Variants in SORCS2 observed in about 807,000 individuals in gnomAD.
SORCS2 encodes sortilin related VPS10 domain containing receptor 2, also known as VPS10 domain-containing receptor SorCS2.
SORCS2 carries 100 observed loss-of-function variants against 141.6 expected under a neutral mutation model. That is an observed-to-expected ratio of 0.71 (90% CI 0.60 to 0.83). SORCS2 has a LOEUF of 0.83. Among genes scored for constraint, SORCS2 ranks in the 40% least tolerant of loss-of-function variants. The pLI is 0.00. For missense variants in SORCS2, 1,646 were observed against 1,560.2 expected (o/e 1.05, Z -0.93); for synonymous variants, 789 against 676.9 (o/e 1.17, Z -2.57).
chr4:7,667,984 A>G (rs966084241), intron 8 of SORCS2, among the ~76,000 whole-genome samples: 2 of 152,200 alleles, frequency 1.3e-5, no homozygotes, highest in Non-Finnish European at 2.9e-5. Flanking sequence ...CCTCGTGAGG[A>G]CATTGAGATG....
chr4:7,718,040 G>C lies in SORCS2; in HGVS notation c.2281G>C (p.Glu761Gln). ...CCGGAAAGTGGTGTCCAACGTGTGT[G>C]AGGGTGGGGTGGACATGCAGCAGAG... ...GYRKVVSNVCEGGVDMQQSQV... is the reference protein window; with the variant it reads ...GYRKVVSNVCQGGVDMQQSQV... The change falls in exon 18 of 27, where the codon GAG (glutamate) becomes CAG (glutamine). Residue 761 changes from glutamate (E) to glutamine (Q), a missense_variant. Glu to Gln is a conservative substitution (Grantham distance 29). Transcript: ENST00000507866. The C allele has an allele frequency of 6.2e-7, 1 of 1,608,246 alleles. No homozygotes were observed. The highest frequency in any genetic ancestry group is 8.5e-7 in the Non-Finnish European group (1 of 1,177,310).
intron 1 of SORCS2, among the ~76,000 whole-genome samples, chr4:7,389,920 G>C (rs754285347): frequency 6.6e-6 from 1 of 152,004 alleles, no homozygotes; most frequent in East Asian, 1.9e-4. Context: ...GCAGGGGTGC[G>C]GGCCTCCCTC....
chr4:7,422,637 C>T (rs115600996), intron 2 of SORCS2, among the ~76,000 whole-genome samples: 1 of 152,046 alleles, frequency 6.6e-6, no homozygotes, highest in Non-Finnish European at 1.5e-5. Flanking sequence ...TCTCTCAGAC[C>T]CACACACTCC....
chr4:7,272,876 A>G (rs1715240506), intron 1 of SORCS2, among the ~76,000 whole-genome samples: 1 of 152,264 alleles, frequency 6.6e-6, no homozygotes, highest in Non-Finnish European at 1.5e-5. Flanking sequence ...TTTCCCCACC[A>G]GCACAGGCTC....
intron 3 of SORCS2, among the ~76,000 whole-genome samples, chr4:7,621,697 C>T (rs143527306): frequency 4.6e-5 from 7 of 152,334 alleles, no homozygotes; most frequent in Middle Eastern, 3.4e-3. Flanking sequence ...CAAAATCCCA[C>T]ACAGAAACCC....
chr4:7,548,763 G>A (rs7654437), intron 3 of SORCS2, among the ~76,000 whole-genome samples: 148,133 of 152,246 alleles, frequency 0.97, 72,199 homozygotes, highest in East Asian at 1. Context: ...CGGTGACCCA[G>A]GGAGGAGGCC....
chr4:7,728,273 C>A (rs1225472482), intron 21 of SORCS2, 77 bp from the exon 22 acceptor site: 16 of 1,038,448 alleles, frequency 1.5e-5, no homozygotes, highest in Non-Finnish European at 1.9e-5. Flanking sequence ...CATGTGGCTG[C>A]CCCCGACCCC....
intron 2 of SORCS2, among the ~76,000 whole-genome samples, chr4:7,409,121 A>G (rs1275836670): frequency 6.6e-6 from 1 of 152,048 alleles, no homozygotes; most frequent in African/African-American, 2.4e-5. Context: ...CCTGTTTGCT[A>G]TTGTTTCTTG....
chr4:7,704,171 T>G lies in SORCS2; in HGVS notation c.1761-6T>G. 7 of 1,610,668 alleles carry G rather than the reference T, an allele frequency of 4.3e-6. No individual in the cohort carries two copies. The highest frequency in any genetic ancestry group is 5.9e-6 in the Non-Finnish European group (7 of 1,178,710). The stretch of plus-strand genomic sequence containing the variant: ...CCCAGAGATGCTGACGATCTTCTCC[T>G]GGCAGGTTCAGTGTGGACGAGGGCC... On this transcript the variant is annotated splice_region_variant and splice_polypyrimidine_tract_variant and intron_variant, in intron 13 of 26. Transcript: ENST00000507866.
chr4:7,316,374 A>G (rs1184721866), intron 1 of SORCS2, among the ~76,000 whole-genome samples: 1 of 152,222 alleles, frequency 6.6e-6, no homozygotes, highest in East Asian at 1.9e-4. Context: ...AGGAAGAAAC[A>G]CAGAAAGGAT....
chr4:7,423,472 A>C (rs1196000793), intron 2 of SORCS2, among the ~76,000 whole-genome samples: 1 of 152,104 alleles, frequency 6.6e-6, no homozygotes, highest in Non-Finnish European at 1.5e-5. Flanking sequence ...GCTGGAGTGC[A>C]GTGATGCTTA....
intron 3 of SORCS2, among the ~76,000 whole-genome samples, chr4:7,596,326 G>A (rs1213941043): frequency 1.3e-5 from 2 of 152,184 alleles, no homozygotes; most frequent in Non-Finnish European, 2.9e-5. Context: ...CCTCTGCAAA[G>A]AGAGCTTCAT....
intron 1 of SORCS2, among the ~76,000 whole-genome samples, chr4:7,325,046 T>C (rs3913444): frequency 0.79 from 120,298 of 152,122 alleles, 48,229 homozygotes; most frequent in African/African-American, 0.92. Context: ...CACAGGACCT[T>C]GGGCTGCAGA....
At chr4:7,398,341 A>ATGTCTGTT (rs1348441608) in intron 2 of SORCS2, among the ~76,000 whole-genome samples, 1 of 152,212 alleles carries the variant, frequency 6.6e-6, no homozygotes, top group African/African-American at 2.4e-5. Context: ...CTCCGTCTCC[A>ATGTCTGTT]TGTCTGTTAA....
chr4:7,516,575 G>A (rs865966663), intron 2 of SORCS2, among the ~76,000 whole-genome samples: 7 of 152,228 alleles, frequency 4.6e-5, no homozygotes, highest in Non-Finnish European at 7.4e-5. Flanking sequence ...ACCTGGAGGG[G>A]TGGGGGCGGT....
intron 3 of SORCS2, among the ~76,000 whole-genome samples, chr4:7,620,038 CTCCTCCTCCTCCTTCCTCTTCCTCCTCT>C (rs1442014178): frequency 8.0e-5 from 12 of 150,486 alleles, no homozygotes; most frequent in South Asian, 2.1e-4. Context: ...CTCCTCCTTC[CTCCTCCTCCTCCTTCCTCTTCCTCCTCT>C]TCTTCCTCCT....
At chr4:7,308,897 A>T (rs1718009464) in intron 1 of SORCS2, among the ~76,000 whole-genome samples, 1 of 152,132 alleles carries the variant, frequency 6.6e-6, no homozygotes, top group Admixed American at 6.5e-5. Flanking sequence ...AGCAGCAGAG[A>T]CACACCTCTG....
chr4:7,465,822 T>A (rs1729585511), intron 2 of SORCS2, among the ~76,000 whole-genome samples: 1 of 152,184 alleles, frequency 6.6e-6, no homozygotes, highest in Non-Finnish European at 1.5e-5. Flanking sequence ...CCGCTGCTGT[T>A]TTTTAGTGGG....
At chr4:7,590,170 A>G (rs761425365) in intron 3 of SORCS2, among the ~76,000 whole-genome samples, 3 of 152,212 alleles carry the variant, frequency 2.0e-5, no homozygotes, top group Non-Finnish European at 2.9e-5. Context: ...GTTTATGAAG[A>G]AGAAACAGTA....
Sources: gnomAD v4.1 joint callset for allele counts (sites outside exome capture counted in the v4.1 genomes callset) on GRCh38, gnomAD v4.1.1 for gene constraint, MANE v1.5 for transcripts, NCBI Gene and HGNC (gene_info 2026-07-23, HGNC 2026-07-21) for gene names.